Variants in RALGPS1 observed in about 807,000 individuals in gnomAD.
The protein encoded by RALGPS1 is ras-specific guanine nucleotide-releasing factor RalGPS1.
A neutral mutation model predicts 78.8 loss-of-function variants in RALGPS1; 19 were observed. The ratio of observed to expected loss-of-function variants is 0.24; its 90% CI spans 0.17 to 0.35. RALGPS1 has a LOEUF of 0.35. RALGPS1 is among the 10% of genes least tolerant of loss of function. The pLI is 1.00. For synonymous variants in RALGPS1, 228 were observed against 256.3 expected (o/e 0.89, Z 1.06); for missense variants, 454 against 688.3 (o/e 0.66, Z 3.81).
intron 5 of RALGPS1, among the ~76,000 whole-genome samples, chr9:127,035,153 T>TC (rs977923466): frequency 4.9e-4 from 75 of 152,282 alleles, no homozygotes; most frequent in Admixed American, 2.7e-3. Context: ...CATTACTGTG[T>TC]CCCCCACCAC....
chr9:127,109,091 A>G (rs1319911915), intron 8 of RALGPS1, among the ~76,000 whole-genome samples: 1 of 152,162 alleles, frequency 6.6e-6, no homozygotes, highest in Non-Finnish European at 1.5e-5. Flanking sequence ...CCTGGCCTAG[A>G]GCCTGAGAAT....
intron 8 of RALGPS1, among the ~76,000 whole-genome samples, chr9:127,157,287 A>G (rs906369820): frequency 2.0e-5 from 3 of 152,024 alleles, no homozygotes; most frequent in African/African-American, 7.2e-5. Context: ...AATATTATAT[A>G]TTTCCTTACT....
intron 4 of RALGPS1, among the ~76,000 whole-genome samples, chr9:126,979,535 T>G (rs2041036407): frequency 6.6e-6 from 1 of 152,204 alleles, no homozygotes; most frequent in South Asian, 2.1e-4. Context: ...ATTTAGGGCT[T>G]TATTCTTCAT....
chr9:127,133,537 C>T (rs183182652), intron 8 of RALGPS1, among the ~76,000 whole-genome samples: 53 of 152,316 alleles, frequency 3.5e-4, no homozygotes, highest in African/African-American at 1.3e-3. Context: ...TGGGGTGGAC[C>T]CAGTAGGGAC....
At chr9:127,123,470 C>G (rs544164452) in intron 8 of RALGPS1, among the ~76,000 whole-genome samples, 15 of 152,308 alleles carry the variant, frequency 9.8e-5, no homozygotes, top group African/African-American at 3.4e-4. Flanking sequence ...GAGCTTGGCA[C>G]AGTGTCAAGG....
rs140135492 is a variant in RALGPS1, at chr9:127,041,469, T to G, written c.300+6955T>G. Among the ~76,000 whole-genome samples the G allele has an allele frequency of 3.9e-5, 6 of 152,318 alleles. No individual in the cohort carries two copies. In the East Asian group the frequency reaches 1.2e-3, roughly 29 times the overall value. The stretch of plus-strand genomic sequence containing the variant: ...TCCCATTTTGTATTCTCACCAGCAA[T>G]GAATGAGTGTGTGGCTTCAATCCTT... On this transcript the variant is annotated intron_variant, in intron 5 of 18. Coordinates refer to ENST00000259351, the MANE Select transcript of RALGPS1 (RefSeq NM_014636.3).
At chr9:126,963,397 G>A (rs188421083) in intron 2 of RALGPS1, among the ~76,000 whole-genome samples, 11 of 152,048 alleles carry the variant, frequency 7.2e-5, no homozygotes, top group African/African-American at 2.7e-4. Flanking sequence ...ATATATATGT[G>A]TATACACATT....
chr9:126,939,384 CTG>C (rs1351146897), intron 1 of RALGPS1, among the ~76,000 whole-genome samples: 1 of 152,208 alleles, frequency 6.6e-6, no homozygotes, highest in Non-Finnish European at 1.5e-5. Flanking sequence ...GTGCTGGAAA[CTG>C]GGGATGAAAT....
intron 8 of RALGPS1, among the ~76,000 whole-genome samples, chr9:127,118,591 G>A (rs1025947611): frequency 2.0e-5 from 3 of 152,182 alleles, no homozygotes; most frequent in African/African-American, 7.2e-5. Flanking sequence ...GCTGCACCCT[G>A]ACCCCCAGTT....
chr9:126,964,470 T>C (rs2039246627), intron 2 of RALGPS1, among the ~76,000 whole-genome samples: 1 of 152,164 alleles, frequency 6.6e-6, no homozygotes, highest in Admixed American at 6.5e-5. Flanking sequence ...TTTTAAGCTT[T>C]ATTTTATATA....
At chr9:126,978,549 C>T (rs1172148098) in intron 4 of RALGPS1, among the ~76,000 whole-genome samples, 1 of 147,896 alleles carries the variant, frequency 6.8e-6, no homozygotes, top group Non-Finnish European at 1.5e-5. Context: ...GTGAAGGTTG[C>T]AGTGAGCCAT....
At chr9:126,986,188 C>T (rs763319201) in intron 4 of RALGPS1, among the ~76,000 whole-genome samples, 12 of 152,232 alleles carry the variant, frequency 7.9e-5, no homozygotes, top group South Asian at 4.2e-4. Context: ...GCCAGGCAGA[C>T]GGTGAGTTAA....
At chr9:127,197,512 CGGGAGGG>C (rs1564774775) in intron 13 of RALGPS1, among the ~76,000 whole-genome samples, 1 of 90,232 alleles carries the variant, frequency 1.1e-5, no homozygotes, top group Non-Finnish European at 2.1e-5. Context: ...GGGTGGGGGG[CGGGAGGG>C]GACAGGAGAA....
chr9:127,100,260 C>A (rs1056382824), intron 8 of RALGPS1, among the ~76,000 whole-genome samples: 1 of 152,098 alleles, frequency 6.6e-6, no homozygotes, highest in African/African-American at 2.4e-5. Flanking sequence ...AGTAAAAATT[C>A]TATTAAATGT....
rs55918931 is a variant in RALGPS1 at position 127,174,741 on chromosome 9, G to A, written c.869G>A (p.Ser290Asn). 9.8e-3 allele frequency: 15,801 copies of A among 1,614,054 alleles called. 79 individuals are homozygous for A. The highest frequency in any genetic ancestry group is 0.012 in the Non-Finnish European group (14,080 of 1,179,904). The change falls in exon 11 of 19, where the codon AGC (serine) becomes AAC (asparagine). Residue 290 changes from serine to asparagine, a missense_variant. By Grantham distance (46) the Ser-to-Asn change is conservative. Coordinates refer to ENST00000259351, the MANE Select transcript of RALGPS1 (RefSeq NM_014636.3). ...CTGTCGCTCAGAATCGAACCAGGAA[G>A]CAGCTCTCCAAGACTAGTCTCTTCC... ...YKLSLRIEPG[S>N]SSPRLVSSKE...
At chr9:126,950,173 A>G (rs943792973) in intron 1 of RALGPS1, among the ~76,000 whole-genome samples, 5 of 152,112 alleles carry the variant, frequency 3.3e-5, no homozygotes, top group African/African-American at 1.2e-4. Flanking sequence ...ATTGATCTAT[A>G]TCTCTGTTTT....
At chr9:126,967,225 C>A (rs2039597769) in intron 3 of RALGPS1, among the ~76,000 whole-genome samples, 1 of 152,116 alleles carries the variant, frequency 6.6e-6, no homozygotes, top group Non-Finnish European at 1.5e-5. Flanking sequence ...CTAGTGGCTC[C>A]CTCCTACTAG....
At chr9:127,118,120 T>C (rs1472754614) in intron 8 of RALGPS1, among the ~76,000 whole-genome samples, 1 of 152,158 alleles carries the variant, frequency 6.6e-6, no homozygotes, top group Non-Finnish European at 1.5e-5. Context: ...AGTGGCGCGA[T>C]CTCAGCTCAC....
chr9:126,997,664 AACTACTTAAAAGTTC>A lies in RALGPS1; in HGVS notation c.216+19921_216+19935del, dbSNP rs1435628883. On this transcript the variant is annotated intron_variant, in intron 4 of 18. Transcript: ENST00000259351. ...TGACTTTCTTCACGGAATTGGAAAA[AACTACTTAAAAGTTC>A]ATATGGAACCAAAAAAGAGCCCACA... Among the ~76,000 whole-genome samples the A allele has an allele frequency of 2.0e-5, 3 of 152,184 alleles. No homozygotes were observed. In the East Asian group the frequency reaches 5.8e-4, roughly 29 times the overall value.
Sources: gnomAD v4.1 joint callset for allele counts (sites outside exome capture counted in the v4.1 genomes callset) on GRCh38, gnomAD v4.1.1 for gene constraint, MANE v1.5 for transcripts, NCBI Gene and HGNC (gene_info 2026-07-23, HGNC 2026-07-21) for gene names.